Variants in PTPRT observed in about 807,000 individuals in gnomAD.
PTPRT encodes the protein protein tyrosine phosphatase receptor type T.
In PTPRT, 56 loss-of-function variants were observed where a neutral mutation model predicts 176.8. The observed-to-expected ratio is 0.32, with a 90% confidence interval of 0.26 to 0.40. The LOEUF is 0.40. PTPRT is among the 10% of genes least tolerant of loss of function. PTPRT has a pLI of 1.00. For missense variants in PTPRT, 1,540 were observed against 1,908.2 expected, an observed-to-expected ratio of 0.81 and a Z score of 3.60; for synonymous variants, 783 against 739.0, an observed-to-expected ratio of 1.06 and a Z score of -0.96.
Position 42,307,108 on chromosome 20 carries a change from T to C in PTPRT, c.2139+8615A>G, listed in dbSNP as rs530719462. 2.6e-5 allele frequency among the ~76,000 whole-genome samples: 4 copies of C among 152,274 alleles called. No homozygotes were observed. The East Asian group carries it at 5.8e-4, about 22-fold the overall frequency. ...TCATCATGGAAAATTGTGGTAGTCA[T>C]TGGGGAAGTTCTCAAATATTCCAGT... On this transcript the variant is annotated intron_variant, in intron 12 of 30. Transcript: ENST00000373187.
chr20:42,299,122 A>G lies in PTPRT; in HGVS notation c.2140-16597T>C, dbSNP rs147629176. ...AAGAAATTAATGACATTGGTTTCCA[A>G]CAGGGGATGGTAGAGGTGATGTAAA... is the stretch of plus-strand genomic sequence containing the variant. On this transcript the variant is annotated intron_variant, in intron 12 of 30. Coordinates refer to ENST00000373187, the MANE Select transcript of PTPRT (RefSeq NM_007050.6). Among the ~76,000 whole-genome samples the G allele has an allele frequency of 3.2e-4, 49 of 152,306 alleles. No homozygotes were observed. In the East Asian group the frequency reaches 8.9e-3, roughly 28 times the overall value.
intron 2 of PTPRT, among the ~76,000 whole-genome samples, chr20:42,837,257 T>C (rs554263054): frequency 2.0e-5 from 3 of 152,244 alleles, no homozygotes; most frequent in African/African-American, 7.2e-5. Flanking sequence ...CCACTGTGAG[T>C]GGGCCCAGCA....
chr20:42,983,018 G>C (rs62204034), intron 1 of PTPRT, among the ~76,000 whole-genome samples: 1 of 152,230 alleles, frequency 6.6e-6, no homozygotes, highest in African/African-American at 2.4e-5. Context: ...TGGGATTTGG[G>C]CAGCAACCTG....
At chr20:42,190,428 T>A (rs1250125534) in intron 16 of PTPRT, among the ~76,000 whole-genome samples, 3 of 152,194 alleles carry the variant, frequency 2.0e-5, no homozygotes, top group Non-Finnish European at 4.4e-5. Context: ...CCAGTACTCC[T>A]ATGGCAATAA....
intron 5 of PTPRT, among the ~76,000 whole-genome samples, chr20:42,760,707 A>G (rs2076903253): frequency 6.6e-6 from 1 of 152,278 alleles, no homozygotes; most frequent in African/African-American, 2.4e-5. Flanking sequence ...TTCTTCTCAA[A>G]GAGTGGTCCC....
At position 42,869,483 on chromosome 20, in the gene PTPRT, A is replaced by G. The variant is rs140226568; in HGVS notation, c.214+16324T>C. Among the ~76,000 whole-genome samples, 729 of 152,250 alleles carry G rather than the reference A, an allele frequency of 4.8e-3. 8 individuals carry two copies. Among genetic ancestry groups the G allele is most frequent in the African/African-American group, 0.017 (707 of 41,544 alleles). ...TGCTGTTTGTCTTCTTGTGTTTTAT[A>G]CTTACTTGGGACCTATTACCTTTTC... On this transcript the variant is annotated intron_variant, in intron 2 of 30. Transcript: ENST00000373187.
intron 8 of PTPRT, among the ~76,000 whole-genome samples, chr20:42,460,629 G>A (rs1445446985): frequency 6.6e-6 from 1 of 152,140 alleles, no homozygotes; most frequent in African/African-American, 2.4e-5. Context: ...ATTCATGGGG[G>A]CCATTTCTCC....
At position 42,161,501 on chromosome 20, in the gene PTPRT, T is replaced by C; in HGVS notation, c.2533A>G (p.Ile845Val). 3 of 1,613,262 alleles carry C rather than the reference T, an allele frequency of 1.9e-6. No homozygotes were observed. ...RGELSQPTLT[I>V]QTHPYRTCDP... ...CAGGTGCGGTAGGGATGAGTCTGGA[T>C]CGTGAGGGTGGGCTGGGAAAGCTCC... Residue 845 changes from isoleucine (I) to valine (V), a missense_variant, in exon 17 of 31, where the codon ATC becomes GTC. Around this residue, in one of 11 missense-constraint regions of PTPRT, gnomAD observed 255 missense variants for 250.1 expected, o/e 1.02. Transcript: ENST00000373187.
chr20:42,092,462 A>G (rs538182098), intron 27 of PTPRT, among the ~76,000 whole-genome samples: 9 of 152,346 alleles, frequency 5.9e-5, no homozygotes, highest in African/African-American at 2.2e-4. Context: ...CTAACAAATG[A>G]TAACATTAAG....
At chr20:42,095,412 T>G (rs1446990785) in intron 27 of PTPRT, among the ~76,000 whole-genome samples, 6 of 152,162 alleles carry the variant, frequency 3.9e-5, no homozygotes, top group Admixed American at 2.0e-4. Context: ...TCTGTGCTGT[T>G]CCTCAAGGGC....
chr20:42,775,119 C>A (rs1334542496), intron 4 of PTPRT, among the ~76,000 whole-genome samples: 1 of 152,202 alleles, frequency 6.6e-6, no homozygotes, highest in Non-Finnish European at 1.5e-5. Flanking sequence ...TCACTCCACA[C>A]TGAGACCCAA....
At chr20:42,859,542 T>A (rs763252704) in intron 2 of PTPRT, among the ~76,000 whole-genome samples, 9 of 152,042 alleles carry the variant, frequency 5.9e-5, no homozygotes, top group African/African-American at 2.2e-4. Flanking sequence ...TTTTTGCACA[T>A]ATAATGCACA....
intron 17 of PTPRT, among the ~76,000 whole-genome samples, chr20:42,153,250 C>T (rs1324674203): frequency 6.6e-6 from 1 of 152,104 alleles, no homozygotes; most frequent in African/African-American, 2.4e-5. Flanking sequence ...GTTAGGTGCA[C>T]AATAAATACT....
At chr20:42,996,587 C>T (rs1984235835) in intron 1 of PTPRT, among the ~76,000 whole-genome samples, 1 of 152,116 alleles carries the variant, frequency 6.6e-6, no homozygotes, top group Non-Finnish European at 1.5e-5. Flanking sequence ...GATTTAACAA[C>T]CTCAATGAAT....
chr20:43,160,935 G>GTA (rs2146440563), intron 1 of PTPRT, among the ~76,000 whole-genome samples: 1 of 145,538 alleles, frequency 6.9e-6, no homozygotes, highest in South Asian at 2.2e-4. Context: ...AAAAAAAAAC[G>GTA]TAGAGACAAG....
At chr20:43,079,256 A>G (rs541360077) in intron 1 of PTPRT, among the ~76,000 whole-genome samples, 2 of 127,182 alleles carry the variant, frequency 1.6e-5, no homozygotes, top group African/African-American at 3.0e-5. Flanking sequence ...ACCAATTATG[A>G]TAAGCACCAT....
Position 42,984,592 on chromosome 20 carries a change from C to T in PTPRT, c.89-98660G>A, listed in dbSNP as rs763753942. On this transcript the variant is annotated intron_variant, in intron 1 of 30. Transcript: ENST00000373187. ...ATGCTCAGCTCACTCCACCATCATG[C>T]AGCAAATTTTCTTGAGCACCTACTA... Among the ~76,000 whole-genome samples the T allele has an allele frequency of 1.2e-4, 18 of 152,346 alleles. No homozygotes were observed. The South Asian group carries it at 1.5e-3, about 12-fold the overall frequency.
chr20:42,047,763 G>T, the PTPRT span, among the ~76,000 whole-genome samples: 16 of 152,128 alleles, frequency 1.1e-4, no homozygotes, highest in Admixed American at 5.2e-4. Flanking sequence ...TTTTCTGGGA[G>T]ACACTGGGCC....
intron 7 of PTPRT, among the ~76,000 whole-genome samples, chr20:42,503,540 G>T (rs1431297047): frequency 6.6e-6 from 1 of 152,090 alleles, no homozygotes; most frequent in African/African-American, 2.4e-5. Context: ...AGAGAATATA[G>T]TTTGTGTGAT....
Sources: allele counts gnomAD v4.1 joint callset (sites outside exome capture counted in the v4.1 genomes callset), GRCh38; gene constraint gnomAD v4.1.1; regional missense constraint gnomAD v4.1.1; transcripts MANE v1.5; gene names NCBI Gene and HGNC (gene_info 2026-07-23, HGNC 2026-07-21).